Variants in UNC13B observed in about 807,000 individuals in gnomAD.
UNC13B encodes protein unc-13 homolog B.
UNC13B carries 144 observed loss-of-function variants against 211.0 expected under a neutral mutation model. The observed-to-expected ratio is 0.68, with a 90% CI of 0.60 to 0.78. The LOEUF (loss-of-function observed/expected upper bound fraction) is 0.78, where lower values mean the gene tolerates loss of function less well. UNC13B is among the 30% of genes least tolerant of loss of function. UNC13B has a pLI of 0.00. For synonymous variants in UNC13B, 709 were observed against 725.8 expected (o/e 0.98, Z 0.37); for missense variants, 1,777 against 2,002.0 (o/e 0.89, Z 2.14).
intron 11 of UNC13B, among the ~76,000 whole-genome samples, chr9:35,320,531 C>G (rs1343812502): frequency 6.6e-6 from 1 of 152,120 alleles, no homozygotes; most frequent in Admixed American, 6.6e-5. Flanking sequence ...TGAAATGCTT[C>G]CAACATATAG....
chr9:35,224,000 T>C (rs1824702696), intron 1 of UNC13B, among the ~76,000 whole-genome samples: 2 of 152,212 alleles, frequency 1.3e-5, no homozygotes, highest in South Asian at 4.1e-4. Flanking sequence ...TTCTATTCCA[T>C]TGGCTTGTGT....
chr9:35,206,843 C>G (rs1444659612), intron 1 of UNC13B, among the ~76,000 whole-genome samples: 1 of 147,148 alleles, frequency 6.8e-6, no homozygotes, highest in African/African-American at 2.6e-5. Context: ...CACTGCACTC[C>G]AGCCTGGTGA....
intron 11 of UNC13B, among the ~76,000 whole-genome samples, chr9:35,365,073 C>G (rs932353807): frequency 6.6e-6 from 1 of 152,224 alleles, no homozygotes; most frequent in African/African-American, 2.4e-5. Context: ...TCTGAACAGG[C>G]TTCCTGACCT....
Position 35,305,072 on chromosome 9 carries a change from C to T in UNC13B, c.5668C>T (p.Gln1890Ter). ...TDSISVSPAP[Q>*]HSGDERENYE... ...CTCTATTTCAGTTTCTCCTGCACCT[C>T]AGCATAGTGGGGATGAGCGTGAGAA... is the stretch of plus-strand genomic sequence containing the variant. The change falls in exon 9 of 40, where the codon CAG (glutamine) becomes TAG (stop). Residue 1890 changes from glutamine to a stop codon, truncating the protein, a stop_gained. Transcript: ENST00000635942. LOFTEE classifies it high-confidence loss of function. 2.5e-6 allele frequency: 1 copy of T among 398,920 alleles called. No homozygotes were observed. Among genetic ancestry groups the T allele is most frequent in the Non-Finnish European group, 4.4e-6 (1 of 226,002 alleles). The allele number at this position is 398,920 out of a possible 1,614,324, so 24.7% of individuals were successfully genotyped here.
chr9:35,398,489 G>C, intron 31 of UNC13B, 65 bp from the exon 32 acceptor site: 1 of 1,503,066 alleles, frequency 6.7e-7, no homozygotes, highest in Non-Finnish European at 9.2e-7. Flanking sequence ...GAAGTAGTAG[G>C]GGTGTGGCAG....
At chr9:35,248,730 A>G (rs975745635) in intron 6 of UNC13B, among the ~76,000 whole-genome samples, 5 of 152,248 alleles carry the variant, frequency 3.3e-5, no homozygotes, top group Non-Finnish European at 4.4e-5. Flanking sequence ...ACAGTTTGTT[A>G]TAATTTCTGT....
At chr9:35,263,342 T>TA (rs11305136) in intron 7 of UNC13B, among the ~76,000 whole-genome samples, 3,920 of 147,012 alleles carry the variant, frequency 0.027, 165 homozygotes, top group African/African-American at 0.089. Flanking sequence ...TGGAACTTGG[T>TA]AAAAAAAAAA....
At chr9:35,272,007 A>G (rs1448284586) in intron 7 of UNC13B, among the ~76,000 whole-genome samples, 1 of 152,220 alleles carries the variant, frequency 6.6e-6, no homozygotes, top group Admixed American at 6.5e-5. Flanking sequence ...GTGAAAAATT[A>G]CAAAGAAAGG....
intron 6 of UNC13B, among the ~76,000 whole-genome samples, chr9:35,251,798 G>C (rs934061538): frequency 2.0e-5 from 3 of 152,048 alleles, no homozygotes; most frequent in African/African-American, 7.2e-5. Flanking sequence ...TTCATTTCAA[G>C]AGCCAGATAA....
chr9:35,211,574 G>A (rs1402037727), intron 1 of UNC13B, among the ~76,000 whole-genome samples: 5 of 151,948 alleles, frequency 3.3e-5, no homozygotes, highest in East Asian at 3.9e-4. Context: ...CTTTATTTTT[G>A]CAAATGTGCA....
intron 8 of UNC13B, among the ~76,000 whole-genome samples, chr9:35,298,533 CG>C (rs1443235103): frequency 6.6e-6 from 1 of 152,084 alleles, no homozygotes; most frequent in Non-Finnish European, 1.5e-5. Context: ...TTGCTCAGGC[CG>C]GTCTTGAATT....
chr9:35,226,920 C>T (rs566085755), intron 1 of UNC13B, among the ~76,000 whole-genome samples: 2 of 152,310 alleles, frequency 1.3e-5, no homozygotes, highest in African/African-American at 4.8e-5. Context: ...CATTACAGAA[C>T]CATTATTATC....
chr9:35,395,415 C>T (rs1433571138), intron 26 of UNC13B, among the ~76,000 whole-genome samples: 1 of 152,160 alleles, frequency 6.6e-6, no homozygotes, highest in African/African-American at 2.4e-5. Flanking sequence ...GCTTCCATTT[C>T]CTCCTTCAGT....
At chr9:35,395,775 A>G (rs1587768500) in intron 26 of UNC13B, among the ~76,000 whole-genome samples, 3 of 152,286 alleles carry the variant, frequency 2.0e-5, no homozygotes, top group Admixed American at 2.0e-4. Flanking sequence ...TGACTTTTCA[A>G]ATTCGTAGTA....
intron 6 of UNC13B, among the ~76,000 whole-genome samples, chr9:35,255,867 G>A (rs547212723): frequency 3.3e-5 from 5 of 152,236 alleles, no homozygotes; most frequent in African/African-American, 1.2e-4. Flanking sequence ...ACTGGTCCCC[G>A]GGCAAGAAGG....
At chr9:35,356,835 T>A (rs1444778801) in intron 11 of UNC13B, among the ~76,000 whole-genome samples, 2 of 152,242 alleles carry the variant, frequency 1.3e-5, no homozygotes, top group African/African-American at 4.8e-5. Flanking sequence ...TTGCCTATTA[T>A]GTACATTTCA....
chr9:35,202,188 C>G (rs901517243), intron 1 of UNC13B, among the ~76,000 whole-genome samples: 5 of 152,162 alleles, frequency 3.3e-5, no homozygotes, highest in African/African-American at 1.2e-4. Flanking sequence ...TTTGATTGCA[C>G]TGTAGTCTGA....
intron 7 of UNC13B, among the ~76,000 whole-genome samples, chr9:35,260,627 G>A (rs1165376490): frequency 2.0e-5 from 3 of 152,166 alleles, no homozygotes; most frequent in Non-Finnish European, 4.4e-5. Context: ...TGGTAGAGGT[G>A]AACTTTTTTT....
At chr9:35,231,410 C>A (rs1253809325) in intron 3 of UNC13B, among the ~76,000 whole-genome samples, 191 bp downstream of exon 3, 3 of 152,084 alleles carry the variant, frequency 2.0e-5, no homozygotes, top group African/African-American at 7.2e-5. Flanking sequence ...AGCACAACTG[C>A]AGTTTTGTTT....
Sources: allele counts gnomAD v4.1 joint callset (sites outside exome capture counted in the v4.1 genomes callset), GRCh38; gene constraint gnomAD v4.1.1; transcripts MANE v1.5; gene names NCBI Gene and HGNC (gene_info 2026-07-23, HGNC 2026-07-21).